RUNX2: variants seen among roughly 807,000 people sequenced by gnomAD.
The protein encoded by RUNX2 is runt-related transcription factor 2.
RUNX2 carries 10 observed loss-of-function variants against 51.7 expected under a neutral mutation model. The ratio of observed to expected loss-of-function variants is 0.19; its 90% CI spans 0.12 to 0.33. The LOEUF (loss-of-function observed/expected upper bound fraction) is 0.33. RUNX2 is among the 10% of genes least tolerant of loss of function. The pLI is 1.00. For synonymous variants in RUNX2, 276 were observed against 273.6 expected (o/e 1.01, Z -0.09); for missense variants, 562 against 691.3 (o/e 0.81, Z 2.10).
chr6:45,359,586 T>A (rs565800819), intron 2 of RUNX2, among the ~76,000 whole-genome samples: 3 of 152,316 alleles, frequency 2.0e-5, no homozygotes, highest in South Asian at 2.1e-4. Context: ...TATGGCCACA[T>A]TTGTATCCAA....
At chr6:45,365,777 T>G (rs556764947) in intron 2 of RUNX2, among the ~76,000 whole-genome samples, 1 of 151,278 alleles carries the variant, frequency 6.6e-6, no homozygotes, top group Non-Finnish European at 1.5e-5. Context: ...AAGAAACAAT[T>G]CCACAGCTGA....
rs1802462499 is a variant in RUNX2, at chr6:45,548,177, T to C, written c.*872T>C. 1 of 152,586 alleles carries C rather than the reference T, an allele frequency of 6.6e-6. No homozygotes were observed. The highest frequency in any genetic ancestry group is 1.5e-5 in the Non-Finnish European group (1 of 68,038). The allele number at this position is 152,586 out of a possible 1,614,324, so 9.5% of individuals were successfully genotyped here. ...TAAAATCTGAGGTAACTTGCTAACG[T>C]GAATGGTCATATAACTTTAAAGATA... On this transcript the variant is annotated 3_prime_UTR_variant, in exon 9 of 9. Coordinates refer to ENST00000647337, the MANE Select transcript of RUNX2 (RefSeq NM_001024630.4).
At chr6:45,403,577 C>A (rs1234025342) in intron 2 of RUNX2, among the ~76,000 whole-genome samples, 2 of 152,106 alleles carry the variant, frequency 1.3e-5, no homozygotes, top group African/African-American at 4.8e-5. Flanking sequence ...TCTAGCTGAC[C>A]AATGCTGTAG....
intron 5 of RUNX2, among the ~76,000 whole-genome samples, chr6:45,463,690 T>C (rs1025582452): frequency 1.4e-4 from 21 of 152,324 alleles, no homozygotes; most frequent in Admixed American, 2.6e-4. Context: ...TTCAGTTTAC[T>C]TTTCCCTGGA....
intron 7 of RUNX2, among the ~76,000 whole-genome samples, chr6:45,529,716 G>C (rs573046297): frequency 2.8e-4 from 43 of 152,236 alleles, no homozygotes; most frequent in Admixed American, 1.4e-3. Context: ...GCAGATAACA[G>C]ATAACAGCCC....
At position 45,547,177 on chromosome 6, in the gene RUNX2, A is replaced by G; in HGVS notation, c.1438A>G (p.Ser480Gly). 1 of 1,614,208 alleles carries G rather than the reference A, an allele frequency of 6.2e-7. No homozygotes were observed. The highest frequency in any genetic ancestry group is 8.5e-7 in the Non-Finnish European group (1 of 1,180,030). ...LPPCTTTSNG[S>G]TLLNPNLPNQ... ...GCCATGCACCACCACCTCGAATGGCAGCACGCTATTAAATCCAAATTTGCC... is the reference window on the plus strand; with the variant it reads ...GCCATGCACCACCACCTCGAATGGCGGCACGCTATTAAATCCAAATTTGCC... Residue 480 changes from serine to glycine, a missense_variant, in exon 9 of 9, where the codon AGC (serine) becomes GGC (glycine). Physicochemically the swap from Ser to Gly is moderately conservative, Grantham distance 56. Around this residue, in one of 5 missense-constraint regions of RUNX2, gnomAD observed 304 missense variants for 353.2 expected, o/e 0.86. Transcript: ENST00000647337.
Position 45,430,985 on chromosome 6 carries a change from C to T in RUNX2, c.424-878C>T, listed in dbSNP as rs150373807. ...TACTGGGCTCTGTGTTAATCAAAGG[C>T]ACACATTTGCATGTTAGCTGACTCA... On this transcript the variant is annotated intron_variant, in intron 3 of 8. Transcript: ENST00000647337. Among the ~76,000 whole-genome samples, 12 of 152,304 alleles carry T rather than the reference C, an allele frequency of 7.9e-5. No homozygotes were observed. The East Asian group carries it at 2.3e-3, about 29-fold the overall frequency.
Position 45,422,640 on chromosome 6 carries a change from C to CG in RUNX2, c.106_107insG (p.Pro36ArgfsTer125). On this transcript the variant is annotated frameshift_variant, in exon 3 of 9. Coordinates refer to ENST00000647337, the MANE Select transcript of RUNX2 (RefSeq NM_001024630.4). LOFTEE classifies it high-confidence loss of function. ...CAGCCCCCCCTCCAGCAGCCTGCAGCCCGGCAAAATGAGCGACGTGAGCCC... is the reference window on the plus strand; with the variant it reads ...CAGCCCCCCCTCCAGCAGCCTGCAGCGCCGGCAAAATGAGCGACGTGAGCCC... The CG allele has an allele frequency of 6.2e-7, 1 of 1,606,798 alleles. No individual in the cohort carries two copies. The highest frequency in any genetic ancestry group is 1.1e-5 in the South Asian group (1 of 89,864).
In RUNX2 at chr6:45,341,510, A is replaced by G. The variant is rs547593008; in HGVS notation, c.58+12726A>G. Among the ~76,000 whole-genome samples, 8 of 152,354 alleles carry G rather than the reference A, an allele frequency of 5.3e-5. No individual in the cohort carries two copies. The East Asian group carries it at 1.2e-3, about 22-fold the overall frequency. Reference sequence around the variant, plus strand: ...TAAATACATATGCAAGTATAAAGTCATAACTACATTTTAAAAGGAAAACAC... The same window carrying G: ...TAAATACATATGCAAGTATAAAGTCGTAACTACATTTTAAAAGGAAAACAC... On this transcript the variant is annotated intron_variant, in intron 2 of 8. Coordinates refer to ENST00000647337, the MANE Select transcript of RUNX2 (RefSeq NM_001024630.4).
chr6:45,471,170 C>T (rs1799788941), intron 5 of RUNX2, among the ~76,000 whole-genome samples: 1 of 152,114 alleles, frequency 6.6e-6, no homozygotes, highest in African/African-American at 2.4e-5. Flanking sequence ...GCAAAGGTGC[C>T]TCAACTTTTA....
chr6:45,498,170 G>A (rs1284590586), intron 6 of RUNX2, among the ~76,000 whole-genome samples: 1 of 152,120 alleles, frequency 6.6e-6, no homozygotes, highest in Non-Finnish European at 1.5e-5. Flanking sequence ...GAAGCTGAAA[G>A]GTACTTTTAT....
chr6:45,436,397 C>A (rs1377912302), intron 4 of RUNX2, among the ~76,000 whole-genome samples: 4 of 151,960 alleles, frequency 2.6e-5, no homozygotes, highest in African/African-American at 9.7e-5. Context: ...ATTACTAAGT[C>A]TCTTGAGGCT....
At chr6:45,434,765 T>C (rs1798635539) in intron 4 of RUNX2, among the ~76,000 whole-genome samples, 1 of 152,226 alleles carries the variant, frequency 6.6e-6, no homozygotes, top group Non-Finnish European at 1.5e-5. Flanking sequence ...ATTAGTTATC[T>C]ACTGACTGCT....
intron 7 of RUNX2, among the ~76,000 whole-genome samples, chr6:45,521,274 A>C (rs998145087): frequency 6.6e-6 from 1 of 152,240 alleles, no homozygotes; most frequent in African/African-American, 2.4e-5. Context: ...AAGAAAGGGC[A>C]AAACAAGAGA....
intron 2 of RUNX2, among the ~76,000 whole-genome samples, chr6:45,417,359 G>A (rs530184318): frequency 8.7e-4 from 132 of 152,314 alleles, no homozygotes; most frequent in Middle Eastern, 3.4e-3. Flanking sequence ...ATATGGAGAT[G>A]TGTAAGAAAA....
intron 2 of RUNX2, among the ~76,000 whole-genome samples, chr6:45,402,186 A>T (rs942863899): frequency 6.6e-6 from 1 of 152,230 alleles, no homozygotes; most frequent in Non-Finnish European, 1.5e-5. Flanking sequence ...AGTATTTCTT[A>T]CCTCTTTTAA....
intron 2 of RUNX2, among the ~76,000 whole-genome samples, chr6:45,402,907 C>T (rs1338848393): frequency 6.6e-6 from 1 of 152,124 alleles, no homozygotes; most frequent in Non-Finnish European, 1.5e-5. Context: ...CAAACAAACA[C>T]ACTGAAATAT....
chr6:45,400,091 G>A (rs1797676619), intron 2 of RUNX2, among the ~76,000 whole-genome samples: 1 of 130,810 alleles, frequency 7.6e-6, no homozygotes, highest in African/African-American at 2.8e-5. Flanking sequence ...GGGAAGGAAG[G>A]AAGGAAAAAA....
At chr6:45,536,872 GT>G (rs923756226) in intron 7 of RUNX2, among the ~76,000 whole-genome samples, 1 of 152,252 alleles carries the variant, frequency 6.6e-6, no homozygotes, top group East Asian at 1.9e-4. Context: ...CTCAGTTATG[GT>G]TTTTTTACAG....
Sources: gnomAD v4.1 joint callset for allele counts (sites outside exome capture counted in the v4.1 genomes callset) on GRCh38, gnomAD v4.1.1 for gene constraint, gnomAD v4.1.1 regional missense constraint, MANE v1.5 for transcripts, NCBI Gene and HGNC (gene_info 2026-07-23, HGNC 2026-07-21) for gene names.